TRAF5: variants seen among roughly 807,000 people sequenced by gnomAD.
The protein encoded by TRAF5 is TNF receptor-associated factor 5.
In TRAF5, 48 loss-of-function variants were observed where a neutral mutation model predicts 64.5. That is an observed-to-expected ratio of 0.74 (90% confidence interval 0.59 to 0.95). The LOEUF is 0.95. Among genes scored for constraint, TRAF5 ranks in the 40% least tolerant of loss-of-function variants. The pLI, the probability that TRAF5 is intolerant of heterozygous loss-of-function variation, is 0.00. For missense variants in TRAF5, 545 were observed against 662.8 expected (o/e 0.82, Z 1.95); for synonymous variants, 206 against 240.5 (o/e 0.86, Z 1.33).
chr1:211,352,737 A>G (rs970736320), intron 1 of TRAF5, among the ~76,000 whole-genome samples: 1 of 152,210 alleles, frequency 6.6e-6, no homozygotes, highest in Admixed American at 6.5e-5. Context: ...GAGGCTGGGA[A>G]GTCCAAGTTC....
intron 1 of TRAF5, among the ~76,000 whole-genome samples, chr1:211,349,428 T>C (rs1362686732): frequency 2.0e-5 from 3 of 152,224 alleles, no homozygotes; most frequent in Non-Finnish European, 2.9e-5. Context: ...AGATGAACAC[T>C]GTCCTTACAT....
At chr1:211,342,398 A>G (rs749074487) in intron 1 of TRAF5, among the ~76,000 whole-genome samples, 3 of 151,940 alleles carry the variant, frequency 2.0e-5, no homozygotes, top group Non-Finnish European at 4.4e-5. Context: ...GCTACATGAG[A>G]TATTTTGATA....
intron 1 of TRAF5, among the ~76,000 whole-genome samples, chr1:211,343,734 G>A (rs1259613543): frequency 2.0e-5 from 3 of 151,962 alleles, no homozygotes; most frequent in African/African-American, 4.8e-5. Flanking sequence ...TGCCTCAATC[G>A]GAACTCTCCT....
chr1:211,355,546 TTA>T (rs757133249), intron 3 of TRAF5, among the ~76,000 whole-genome samples: 100 of 152,158 alleles, frequency 6.6e-4, no homozygotes, highest in Non-Finnish European at 1.3e-3. Context: ...TCTATACTCC[TTA>T]TGAGGTGTTT....
At chr1:211,360,211 T>C (rs115280811) in intron 5 of TRAF5, 135 bp downstream of exon 5, 3 of 976,268 alleles carry the variant, frequency 3.1e-6, no homozygotes, top group African/African-American at 3.3e-5. Context: ...AGAATTTGCT[T>C]TTTGGAGAGA....
chr1:211,346,218 T>C (rs193074318), intron 1 of TRAF5: 3 of 269,338 alleles, frequency 1.1e-5, no homozygotes, highest in Admixed American at 6.5e-5. Context: ...GCTGTACCAG[T>C]TCTTTGTCGA....
intron 1 of TRAF5, among the ~76,000 whole-genome samples, chr1:211,327,620 G>A (rs1210322770): frequency 6.6e-6 from 1 of 152,170 alleles, no homozygotes; most frequent in Non-Finnish European, 1.5e-5. Flanking sequence ...TGGTGGTTCT[G>A]AGAATTTTCG....
At chr1:211,359,879 C>T in intron 4 of TRAF5, 33 bp from the exon 5 acceptor site, 6 of 1,612,554 alleles carry the variant, frequency 3.7e-6, no homozygotes, top group Admixed American at 1.7e-5. Flanking sequence ...CCCTGGTCAG[C>T]AGGTCCCACT....
At chr1:211,337,573 A>G (rs1702336712) in intron 1 of TRAF5, among the ~76,000 whole-genome samples, 1 of 152,196 alleles carries the variant, frequency 6.6e-6, no homozygotes, top group South Asian at 2.1e-4. Context: ...TGGGTTGTGA[A>G]TGGGCTGTAA....
chr1:211,332,792 T>A (rs1167678057), intron 1 of TRAF5, among the ~76,000 whole-genome samples: 1 of 152,104 alleles, frequency 6.6e-6, no homozygotes, highest in East Asian at 1.9e-4. Flanking sequence ...ATGAAGAACA[T>A]TTTAGTCACC....
At chr1:211,359,270 A>G (rs1029976333) in intron 4 of TRAF5, 2 of 152,214 alleles carry the variant, frequency 1.3e-5, no homozygotes, top group African/African-American at 2.4e-5. Context: ...AAGTATTATT[A>G]ATGGTTAAAA....
rs1414968446 is a variant in TRAF5 at position 211,353,392 on chromosome 1, G to A, written c.153G>A (p.Val51=). 1 of 1,614,034 alleles carries A rather than the reference G, an allele frequency of 6.2e-7. No homozygotes were observed. Among genetic ancestry groups the A allele is most frequent in the Non-Finnish European group, 8.5e-7 (1 of 1,180,048 alleles). ...ACAAATGTGCCTTCTGCCACTCGGTGCTTCACAACCCCCACCAGACAGGAT... is the reference window on the plus strand; with the variant it reads ...ACAAATGTGCCTTCTGCCACTCGGTACTTCACAACCCCCACCAGACAGGAT... ...ERYKCAFCHS[V]LHNPHQTGCG... The change falls in exon 2 of 11, where the codon GTG becomes GTA. Residue 51 remains valine, a synonymous_variant. Coordinates refer to ENST00000261464, the MANE Select transcript of TRAF5 (RefSeq NM_001033910.3).
At chr1:211,363,720 G>A (rs1703258344) in intron 7 of TRAF5, among the ~76,000 whole-genome samples, 1 of 152,014 alleles carries the variant, frequency 6.6e-6, no homozygotes, top group Non-Finnish European at 1.5e-5. Context: ...TGTCCAGCTT[G>A]GGCAACATAT....
chr1:211,360,977 C>G (rs1703159101), intron 6 of TRAF5, 111 bp from the exon 7 acceptor site: 1 of 1,158,152 alleles, frequency 8.6e-7, no homozygotes, highest in South Asian at 1.3e-5. Flanking sequence ...TGCCAGGCCT[C>G]TCTCCTTCTC....
intron 1 of TRAF5, among the ~76,000 whole-genome samples, chr1:211,328,437 A>T (rs1702074129): frequency 6.6e-6 from 1 of 152,188 alleles, no homozygotes; most frequent in Non-Finnish European, 1.5e-5. Flanking sequence ...AGTGATGGAG[A>T]AGGCGACTTC....
intron 1 of TRAF5, among the ~76,000 whole-genome samples, chr1:211,332,642 C>T (rs1198958508): frequency 3.3e-5 from 5 of 152,140 alleles, no homozygotes; most frequent in African/African-American, 1.2e-4. Context: ...CAAAGGCTTA[C>T]ATGCTCAGCA....
At chr1:211,328,908 G>A (rs991938076) in intron 1 of TRAF5, among the ~76,000 whole-genome samples, 1 of 152,186 alleles carries the variant, frequency 6.6e-6, no homozygotes, top group African/African-American at 2.4e-5. Flanking sequence ...GCACTGAGGC[G>A]GTAAATAGCT....
intron 4 of TRAF5, 190 bp from the exon 5 acceptor site, chr1:211,359,722 C>T (rs1703109282): frequency 7.4e-6 from 4 of 543,026 alleles, no homozygotes; most frequent in Non-Finnish European, 1.3e-5. Context: ...ACAAGCAGCC[C>T]TCCCCATGCC....
chr1:211,326,898 G>C lies in TRAF5; in HGVS notation c.-2+9G>C. On this transcript the variant is annotated intron_variant, in intron 1 of 10. Transcript: ENST00000261464. This position sits in a 1 kb window ranked among gnomAD's most constrained non-coding sequence, Gnocchi z 5.0. ...CGCGCGCCGAGCCCCACGTGAGTCC[G>C]GCGGGTCGCCGCCCTGGGCACCCTC... The C allele has an allele frequency of 1.0e-6, 1 of 985,000 alleles. No homozygotes were observed. Among genetic ancestry groups the C allele is most frequent in the Non-Finnish European group, 1.2e-6 (1 of 829,374 alleles). The allele number at this position is 985,000 out of a possible 1,614,324, so 61.0% of individuals were successfully genotyped here. A position where few individuals can be genotyped will look rare whatever the true frequency, so the allele number is the denominator to read the frequency against.
Sources: allele counts gnomAD v4.1 joint callset (sites outside exome capture counted in the v4.1 genomes callset), GRCh38; gene constraint gnomAD v4.1.1; non-coding constraint Gnocchi (gnomAD v3.1); transcripts MANE v1.5; gene names NCBI Gene and HGNC (gene_info 2026-07-23, HGNC 2026-07-21).